ELAPOR1: variants seen among roughly 807,000 people sequenced by gnomAD.
ELAPOR1 encodes the protein endosome/lysosome-associated apoptosis and autophagy regulator 1.
A neutral mutation model predicts 119.7 loss-of-function variants in ELAPOR1; 77 were observed. That is an observed-to-expected ratio of 0.64 (90% confidence interval 0.54 to 0.78). The LOEUF (loss-of-function observed/expected upper bound fraction) is 0.78. ELAPOR1 is among the 30% of genes least tolerant of loss of function. The probability of loss-of-function intolerance (pLI) is 0.00; values close to 1 mark genes in which losing one functional copy is unlikely to be tolerated. For synonymous variants in ELAPOR1, 481 were observed against 487.2 expected, an observed-to-expected ratio of 0.99 and a Z score of 0.17; for missense variants, 1,115 against 1,270.4, an observed-to-expected ratio of 0.88 and a Z score of 1.86.
Position 109,171,791 on chromosome 1 carries a change from C to A in ELAPOR1, c.468-75C>A, listed in dbSNP as rs904842575. The A allele has an allele frequency of 4.1e-6, 6 of 1,476,514 alleles. No individual in the cohort carries two copies. The Admixed American group carries it at 8.0e-5, about 20-fold the overall frequency. 91.5% of individuals were successfully genotyped at this position (1,476,514 alleles called of 1,614,324 possible). On this transcript the variant is annotated intron_variant, in intron 3 of 21. Transcript: ENST00000369939. ...GAAAATTCCCAAAGACCCAGCAGAA[C>A]ATGAGACCTGCACATGGCACAAAGC...
intron 15 of ELAPOR1, among the ~76,000 whole-genome samples, chr1:109,195,541 A>C (rs184723244): frequency 8.6e-4 from 131 of 152,184 alleles, no homozygotes; most frequent in African/African-American, 2.6e-3. Flanking sequence ...AACAAAAAAA[A>C]CCCCAGAAAT....
chr1:109,197,684 T>TGAGAGAGA lies in ELAPOR1; in HGVS notation c.2302+35_2302+36insAGAGAGAG, dbSNP rs375471602. The TGAGAGAGA allele has an allele frequency of 1.2e-3, 1,831 of 1,494,156 alleles. 16 individuals carry two copies. The highest frequency in any genetic ancestry group is 4.5e-3 in the South Asian group (362 of 80,372). 92.6% of individuals were successfully genotyped at this position (1,494,156 alleles called of 1,614,324 possible). ...GTAACTCCGCTGCCTCAGCCTTGTT[T>TGAGAGAGA]GAGAGTGTGTGTGTGTGTGTGTGTG... On this transcript the variant is annotated intron_variant, in intron 16 of 21. Coordinates refer to ENST00000369939, the MANE Select transcript of ELAPOR1 (RefSeq NM_020775.5).
chr1:109,203,244 G>C lies in ELAPOR1; in HGVS notation c.*232G>C. ...TTGTTTGTAAATTATGCCCTTGCTT[G>C]TATCTTGTTTCCCAAAATGGCCCAT... On this transcript the variant is annotated 3_prime_UTR_variant, in exon 22 of 22. Coordinates refer to ENST00000369939, the MANE Select transcript of ELAPOR1 (RefSeq NM_020775.5). The C allele has an allele frequency of 2.0e-6, 1 of 505,252 alleles. No homozygotes were observed. Among genetic ancestry groups the C allele is most frequent in the Non-Finnish European group, 3.5e-6 (1 of 283,772 alleles). 31.3% of individuals were successfully genotyped at this position (505,252 alleles called of 1,614,324 possible). A position where few individuals can be genotyped will look rare whatever the true frequency, so the allele number is the denominator to read the frequency against.
intron 3 of ELAPOR1, among the ~76,000 whole-genome samples, chr1:109,167,151 T>C (rs1651651195): frequency 6.6e-6 from 1 of 152,156 alleles, no homozygotes; most frequent in Non-Finnish European, 1.5e-5. Context: ...AGAATGTCAT[T>C]AGGCCCTGGA....
chr1:109,194,419 A>C lies in ELAPOR1; in HGVS notation c.1948-2A>C, dbSNP rs1435514498. On this transcript the variant is annotated splice_acceptor_variant, in intron 14 of 21. Transcript: ENST00000369939. LOFTEE classifies it high-confidence loss of function. ...GGCCCGACCCGTCCCTCTCCCCCTCAGATCCACTCTCTGTGCTACAACGAT... is the reference window on the plus strand; with the variant it reads ...GGCCCGACCCGTCCCTCTCCCCCTCCGATCCACTCTCTGTGCTACAACGAT... 6.2e-7 allele frequency: 1 copy of C among 1,613,054 alleles called. No individual in the cohort carries two copies. The highest frequency in any genetic ancestry group is 8.5e-7 in the Non-Finnish European group (1 of 1,179,404).
chr1:109,147,171 C>A (rs1209175906), intron 1 of ELAPOR1, among the ~76,000 whole-genome samples: 1 of 152,050 alleles, frequency 6.6e-6, no homozygotes, highest in East Asian at 1.9e-4. Flanking sequence ...CCACCTCAGC[C>A]TCCCAAAGTG....
intron 1 of ELAPOR1, among the ~76,000 whole-genome samples, chr1:109,122,506 T>A (rs1466203395): frequency 1.4e-5 from 2 of 147,046 alleles, no homozygotes; most frequent in Non-Finnish European, 3.0e-5. Context: ...AAAACAGTTT[T>A]AAAAATTAGC....
intron 3 of ELAPOR1, among the ~76,000 whole-genome samples, chr1:109,168,641 A>G (rs12565561): frequency 0.47 from 71,173 of 151,988 alleles, 17,731 homozygotes; most frequent in African/African-American, 0.65. Flanking sequence ...GGAAAAGATC[A>G]AGCAGACGCC....
At chr1:109,182,989 AAGT>A (rs1164558840) in intron 7 of ELAPOR1, among the ~76,000 whole-genome samples, 2 of 152,160 alleles carry the variant, frequency 1.3e-5, no homozygotes, top group Non-Finnish European at 2.9e-5. Context: ...GTCATATTCG[AAGT>A]AGTGGTGGCA....
chr1:109,146,152 A>C (rs1191426083), intron 1 of ELAPOR1, among the ~76,000 whole-genome samples: 1 of 152,012 alleles, frequency 6.6e-6, no homozygotes, highest in Non-Finnish European at 1.5e-5. Context: ...TTTCTACTAA[A>C]AATACACACA....
At chr1:109,117,228 C>A (rs1053980916) in intron 1 of ELAPOR1, among the ~76,000 whole-genome samples, 1 of 152,178 alleles carries the variant, frequency 6.6e-6, no homozygotes, top group African/African-American at 2.4e-5. Flanking sequence ...TGGGGCTTGG[C>A]ATTCCTCTCA....
chr1:109,153,017 G>A (rs1650635919), intron 1 of ELAPOR1, among the ~76,000 whole-genome samples: 1 of 151,850 alleles, frequency 6.6e-6, no homozygotes, highest in Admixed American at 6.6e-5. Flanking sequence ...GTCTCATGTG[G>A]GGAGGAGCAG....
chr1:109,122,194 C>G (rs1019058827), intron 1 of ELAPOR1, among the ~76,000 whole-genome samples: 1 of 151,524 alleles, frequency 6.6e-6, no homozygotes, highest in Admixed American at 6.6e-5. Flanking sequence ...CTCATCCTCC[C>G]GAATAGCTGG....
intron 7 of ELAPOR1, among the ~76,000 whole-genome samples, chr1:109,183,636 C>CCTTCCTTTCTTT (rs150843023): frequency 1.5e-5 from 2 of 133,898 alleles, no homozygotes; most frequent in East Asian, 4.2e-4. Flanking sequence ...TTCCTTCCTT[C>CCTTCCTTTCTTT]CTAACAGAGT....
At chr1:109,132,426 G>A (rs543269322) in intron 1 of ELAPOR1, among the ~76,000 whole-genome samples, 1 of 152,182 alleles carries the variant, frequency 6.6e-6, no homozygotes, top group Non-Finnish European at 1.5e-5. Flanking sequence ...GACTACAGCT[G>A]TGGGCTACCG....
chr1:109,158,392 A>T (rs1034598609), intron 1 of ELAPOR1, among the ~76,000 whole-genome samples: 1 of 151,744 alleles, frequency 6.6e-6, no homozygotes, highest in African/African-American at 2.4e-5. Flanking sequence ...GTCTGAGTGA[A>T]TTCTTCTAGA....
chr1:109,154,447 G>A (rs1211349390), intron 1 of ELAPOR1, among the ~76,000 whole-genome samples: 1 of 152,196 alleles, frequency 6.6e-6, no homozygotes, highest in Non-Finnish European at 1.5e-5. Context: ...AGGAGACTGA[G>A]GGTAGAATGA....
At chr1:109,183,536 C>CTTCT (rs1373752753) in intron 7 of ELAPOR1, among the ~76,000 whole-genome samples, 4 of 151,564 alleles carry the variant, frequency 2.6e-5, no homozygotes, top group Non-Finnish European at 5.9e-5. Context: ...TCACGTTTTT[C>CTTCT]TTCTTTCTTT....
chr1:109,174,187 T>G (rs1435855477), intron 7 of ELAPOR1, among the ~76,000 whole-genome samples: 2 of 151,438 alleles, frequency 1.3e-5, no homozygotes, highest in Admixed American at 6.6e-5. Context: ...TAATTTTTTA[T>G]TTTTATTTTT....
Sources: allele counts gnomAD v4.1 joint callset (sites outside exome capture counted in the v4.1 genomes callset), GRCh38; gene constraint gnomAD v4.1.1; transcripts MANE v1.5; gene names NCBI Gene and HGNC (gene_info 2026-07-23, HGNC 2026-07-21).